The following APBB2 variants were observed in gnomAD, a reference collection of about 807,000 sequenced individuals.
APBB2 encodes amyloid beta precursor protein binding family B member 2, also known as Fe65-like 1.
Under a neutral mutation model 82.5 loss-of-function variants are expected in APBB2, and 38 were observed. The observed-to-expected ratio is 0.46, with a 90% CI of 0.36 to 0.60. The LOEUF is 0.60. APBB2 is among the 20% of genes least tolerant of loss of function. APBB2 has a pLI of 0.00. For synonymous variants in APBB2, 341 were observed against 368.2 expected, an observed-to-expected ratio of 0.93 and a Z score of 0.85; for missense variants, 772 against 972.3, an observed-to-expected ratio of 0.79 and a Z score of 2.74.
Position 40,944,880 on chromosome 4 carries a change from G to T in APBB2, c.1029C>A (p.Pro343=), listed in dbSNP as rs780698870. 6.2e-7 allele frequency: 1 copy of T among 1,612,952 alleles called. No homozygotes were observed. The highest frequency in any genetic ancestry group is 2.2e-5 in the East Asian group (1 of 44,872). ...TCCGTTTTACCTCGTTCTCTGGGGT[G>T]GGAGATGGCGTTACAGAACTAAGTG... ...KGSLSSVTPS[P]TPENEKQPWS... The change falls in exon 7 of 18, where the codon CCC becomes CCA. Residue 343 remains proline, a synonymous_variant. Coordinates refer to ENST00000508593, the MANE Select transcript of APBB2 (RefSeq NM_004307.2).
intron 12 of APBB2, among the ~76,000 whole-genome samples, chr4:40,861,181 T>C (rs771102735): frequency 3.3e-5 from 5 of 151,894 alleles, no homozygotes; most frequent in Admixed American, 6.6e-5. Flanking sequence ...TGGAACCCTG[T>C]CTCTACTAAA....
intron 3 of APBB2, among the ~76,000 whole-genome samples, chr4:41,078,435 C>A (rs970494714): frequency 3.9e-5 from 6 of 152,212 alleles, no homozygotes; most frequent in Non-Finnish European, 8.8e-5. Flanking sequence ...AACCACCCAA[C>A]TGTATAAGAC....
At position 40,813,890 on chromosome 4, in the gene APBB2, C is replaced by G. The variant is rs2154291490; in HGVS notation, c.*2202G>C. 1 of 152,276 alleles carries G rather than the reference C, an allele frequency of 6.6e-6. No individual in the cohort carries two copies. The highest frequency in any genetic ancestry group is 2.4e-5 in the African/African-American group (1 of 41,574). 9.4% of individuals were successfully genotyped at this position (152,276 alleles called of 1,614,324 possible). ...TTTCAAAGGGCACAGCAAGGATTTT[C>G]TTAATGCAGTAATTTCTTATGATGG... is the stretch of plus-strand genomic sequence containing the variant. On this transcript the variant is annotated 3_prime_UTR_variant, in exon 18 of 18. Coordinates refer to ENST00000508593, the MANE Select transcript of APBB2 (RefSeq NM_004307.2).
At chr4:40,998,511 G>A (rs907495461) in intron 6 of APBB2, among the ~76,000 whole-genome samples, 7 of 152,098 alleles carry the variant, frequency 4.6e-5, no homozygotes, top group African/African-American at 1.7e-4. Flanking sequence ...ACAATTGCCT[G>A]AACAACTATT....
At chr4:41,157,763 G>C (rs1296233897) in intron 1 of APBB2, among the ~76,000 whole-genome samples, 1 of 152,194 alleles carries the variant, frequency 6.6e-6, no homozygotes, top group Non-Finnish European at 1.5e-5. Flanking sequence ...GGATGATGTG[G>C]GTGGATCACT....
chr4:41,164,249 T>C (rs1033537716), intron 1 of APBB2, among the ~76,000 whole-genome samples: 9 of 152,202 alleles, frequency 5.9e-5, no homozygotes, highest in Non-Finnish European at 1.2e-4. Flanking sequence ...AGGTGTGAAA[T>C]TTCCCTCTTG....
chr4:41,120,468 CT>C (rs1752477656), intron 2 of APBB2, among the ~76,000 whole-genome samples: 1 of 152,166 alleles, frequency 6.6e-6, no homozygotes, highest in Admixed American at 6.5e-5. Flanking sequence ...AAAAACAGAC[CT>C]CGTTCCAGTG....
At chr4:40,821,384 C>G (rs1003060411) in intron 17 of APBB2, among the ~76,000 whole-genome samples, 5 of 152,220 alleles carry the variant, frequency 3.3e-5, no homozygotes, top group Non-Finnish European at 7.3e-5. Context: ...TCCCTAAAGT[C>G]TCTATTTTCT....
intron 4 of APBB2, among the ~76,000 whole-genome samples, chr4:41,057,903 T>C (rs6854435): frequency 6.6e-6 from 1 of 152,208 alleles, no homozygotes; most frequent in East Asian, 1.9e-4. Context: ...CCTCCTGCCC[T>C]GAGGACAACA....
chr4:40,891,613 C>T (rs2154352050), intron 11 of APBB2, among the ~76,000 whole-genome samples: 1 of 152,308 alleles, frequency 6.6e-6, no homozygotes, highest in East Asian at 1.9e-4. Context: ...TATCTCAGTG[C>T]CTCTGTCAGA....
chr4:40,896,400 G>T (rs1336405849), intron 10 of APBB2, among the ~76,000 whole-genome samples: 4 of 152,212 alleles, frequency 2.6e-5, no homozygotes, highest in African/African-American at 9.7e-5. Flanking sequence ...TCAAGAGTAG[G>T]AACAGCCTGC....
chr4:41,028,507 C>G (rs1313937529), intron 5 of APBB2, among the ~76,000 whole-genome samples: 1 of 152,168 alleles, frequency 6.6e-6, no homozygotes, highest in African/African-American at 2.4e-5. Context: ...AGGAGATAAC[C>G]TGCCCAGCAT....
At chr4:41,010,400 C>T (rs1807998061) in intron 6 of APBB2, among the ~76,000 whole-genome samples, 1 of 152,122 alleles carries the variant, frequency 6.6e-6, no homozygotes, top group African/African-American at 2.4e-5. Flanking sequence ...AACTCTAATC[C>T]AGTTCTCATC....
At chr4:41,046,637 G>C (rs1313170024) in intron 4 of APBB2, among the ~76,000 whole-genome samples, 1 of 152,170 alleles carries the variant, frequency 6.6e-6, no homozygotes. Flanking sequence ...AAGGAGCAAG[G>C]ATCTTGCTAA....
At chr4:41,048,134 AATG>A (rs1273534339) in intron 4 of APBB2, among the ~76,000 whole-genome samples, 1 of 152,222 alleles carries the variant, frequency 6.6e-6, no homozygotes, top group Admixed American at 6.5e-5. Context: ...CAGTTTTCTT[AATG>A]ATAACACCAG....
At chr4:40,837,340 T>C (rs2154308594) in intron 12 of APBB2, among the ~76,000 whole-genome samples, 1 of 152,326 alleles carries the variant, frequency 6.6e-6, no homozygotes, top group African/African-American at 2.4e-5. Flanking sequence ...TTGAGGGCTA[T>C]CCTTCCGTTA....
chr4:41,046,226 T>C (rs1461840773), intron 4 of APBB2, among the ~76,000 whole-genome samples: 1 of 152,212 alleles, frequency 6.6e-6, no homozygotes, highest in African/African-American at 2.4e-5. Context: ...CCCATCTGCT[T>C]TCCATGCTAT....
rs1560913978 is a variant in APBB2 at position 41,160,000 on chromosome 4, A to AAGC, written c.-416-16859_-416-16858insGCT. On this transcript the variant is annotated intron_variant, in intron 1 of 17. Coordinates refer to ENST00000508593, the MANE Select transcript of APBB2 (RefSeq NM_004307.2). Reference sequence around the variant, plus strand: ...GAAGAAGAAGAAGAAGAAGAAGAAGAAGAAGAAGAAGAAGAAGAAGAAGAA... The same window carrying AAGC: ...GAAGAAGAAGAAGAAGAAGAAGAAGAAGCAGAAGAAGAAGAAGAAGAAGAAGAA... 9.7e-5 allele frequency among the ~76,000 whole-genome samples: 14 copies of AAGC among 143,848 alleles called. 1 individual carries two copies. Among genetic ancestry groups the AAGC allele is most frequent in the Admixed American group, 9.4e-4 (14 of 14,834 alleles). The allele number at this position is 143,848 out of a possible 152,430, so 94.4% of individuals were successfully genotyped here.
intron 10 of APBB2, among the ~76,000 whole-genome samples, chr4:40,920,903 C>A (rs1246268152): frequency 2.6e-5 from 4 of 152,068 alleles, no homozygotes; most frequent in African/African-American, 9.7e-5. Context: ...AGGCCAGGGA[C>A]GGGCTGACCT....
Sources: allele counts gnomAD v4.1 joint callset (sites outside exome capture counted in the v4.1 genomes callset), GRCh38; gene constraint gnomAD v4.1.1; transcripts MANE v1.5; gene names NCBI Gene and HGNC (gene_info 2026-07-23, HGNC 2026-07-21).